THRB: variants seen among roughly 807,000 people sequenced by gnomAD.
THRB encodes nuclear receptor subfamily 1 group A member 2.
In THRB, 12 loss-of-function variants were observed where a neutral mutation model predicts 47.8. The ratio of observed to expected loss-of-function variants is 0.25; its 90% confidence interval spans 0.16 to 0.41. The LOEUF (loss-of-function observed/expected upper bound fraction) is 0.41, where lower values mean the gene tolerates loss of function less well. Ranked by LOEUF, THRB falls within the 10% of genes least tolerant of loss-of-function variation. The pLI is 1.00. For synonymous variants in THRB, 218 were observed against 212.2 expected (o/e 1.03, Z -0.24); for missense variants, 348 against 589.2 (o/e 0.59, Z 4.24).
At position 24,122,942 on chromosome 3, in the gene THRB, T is replaced by C. The variant is rs2031957696; in HGVS notation, c.1328A>G (p.Lys443Arg). 2.5e-6 allele frequency: 4 copies of C among 1,614,096 alleles called. No individual in the cohort carries two copies. Among genetic ancestry groups the C allele is most frequent in the Non-Finnish European group, 2.5e-6 (3 of 1,180,038 alleles). ...GAAGAGTTCTGTGGGGCATTCCACC[T>C]TCATGTGCAGGAAGCGGCTGGCATG... ...ACHASRFLHM[K>R]VECPTELFPP... Residue 443 changes from lysine to arginine, a missense_variant, in exon 11 of 11, where the codon AAG becomes AGG. Physicochemically the swap from Lys to Arg is conservative, Grantham distance 26 (BLOSUM62 2). This residue lies in a region of THRB where 7 missense variants were observed against 46.8 expected (regional missense o/e 0.15). Transcript: ENST00000646209.
chr3:24,365,375 A>C (rs2064386087), intron 1 of THRB, among the ~76,000 whole-genome samples: 1 of 152,184 alleles, frequency 6.6e-6, no homozygotes, highest in South Asian at 2.1e-4. Context: ...ATCTCCAGCC[A>C]ACTTCGTGTC....
chr3:24,355,132 A>G (rs1380296212), intron 1 of THRB, among the ~76,000 whole-genome samples: 2 of 152,168 alleles, frequency 1.3e-5, no homozygotes, highest in Non-Finnish European at 2.9e-5. Context: ...TAATGGAGTA[A>G]AGTGGCATCA....
chr3:24,320,083 C>T (rs989489191), intron 2 of THRB, among the ~76,000 whole-genome samples: 7 of 152,146 alleles, frequency 4.6e-5, no homozygotes, highest in African/African-American at 1.2e-4. Context: ...GTCATTGCTT[C>T]GGGTGCCACT....
chr3:24,281,419 G>A (rs144270160), intron 3 of THRB, among the ~76,000 whole-genome samples: 25 of 151,882 alleles, frequency 1.6e-4, no homozygotes, highest in African/African-American at 5.3e-4. Context: ...GCCTGCCCTA[G>A]AAGAGCTCCT....
chr3:24,139,038 AC>A (rs1289592431), intron 8 of THRB, among the ~76,000 whole-genome samples: 2 of 152,168 alleles, frequency 1.3e-5, no homozygotes, highest in Admixed American at 1.3e-4. Context: ...TGGTGGAGTG[AC>A]CTGCTTTCCC....
At chr3:24,147,217 TAA>T (rs2036213814) in intron 6 of THRB, among the ~76,000 whole-genome samples, 1 of 152,120 alleles carries the variant, frequency 6.6e-6, no homozygotes. Context: ...TACTGAGTAA[TAA>T]GAGAGCTCCA....
chr3:24,312,110 C>T (rs571327016), intron 2 of THRB, among the ~76,000 whole-genome samples: 2 of 152,302 alleles, frequency 1.3e-5, no homozygotes, highest in South Asian at 2.1e-4. Flanking sequence ...CTTGCCCTTG[C>T]CTTCTGCCCT....
At chr3:24,232,818 T>C (rs1425171708) in intron 3 of THRB, among the ~76,000 whole-genome samples, 1 of 152,062 alleles carries the variant, frequency 6.6e-6, no homozygotes, top group Non-Finnish European at 1.5e-5. Flanking sequence ...ATTTAAGAGG[T>C]AGAAACAAGA....
chr3:24,435,113 G>T (rs2070808414), intron 1 of THRB, among the ~76,000 whole-genome samples: 1 of 152,168 alleles, frequency 6.6e-6, no homozygotes, highest in Non-Finnish European at 1.5e-5. Context: ...CCAAGTGGTT[G>T]TTGGAGAGAC....
At chr3:24,132,815 C>T (rs543926244) in intron 9 of THRB, among the ~76,000 whole-genome samples, 29 of 152,316 alleles carry the variant, frequency 1.9e-4, no homozygotes, top group Admixed American at 1.2e-3. Context: ...GATTAAGAAA[C>T]GACCACACAG....
chr3:24,124,920 T>G (rs2032443210), intron 10 of THRB, among the ~76,000 whole-genome samples: 1 of 152,178 alleles, frequency 6.6e-6, no homozygotes, highest in Non-Finnish European at 1.5e-5. Context: ...TCCACATCAC[T>G]GGGGAGGGTG....
intron 1 of THRB, among the ~76,000 whole-genome samples, chr3:24,474,958 T>C (rs984563470): frequency 3.3e-5 from 5 of 152,234 alleles, no homozygotes; most frequent in African/African-American, 1.2e-4. Flanking sequence ...ACTGCACTTT[T>C]TAATTGAAAG....
At chr3:24,197,055 T>C (rs2044037693) in intron 4 of THRB, among the ~76,000 whole-genome samples, 1 of 152,230 alleles carries the variant, frequency 6.6e-6, no homozygotes, top group Non-Finnish European at 1.5e-5. Context: ...TTAACACTCA[T>C]AGTGGCTAGC....
intron 2 of THRB, among the ~76,000 whole-genome samples, chr3:24,327,403 T>G (rs2061665782): frequency 6.6e-6 from 1 of 152,192 alleles, no homozygotes. Flanking sequence ...CATTCATCAG[T>G]AGACAATGGA....
chr3:24,138,005 G>A (rs549328005), intron 8 of THRB, among the ~76,000 whole-genome samples: 48 of 151,824 alleles, frequency 3.2e-4, no homozygotes, highest in Non-Finnish European at 5.0e-4. Context: ...CAAAAGGAGA[G>A]ATTCAGGTGT....
intron 1 of THRB, among the ~76,000 whole-genome samples, chr3:24,376,676 C>T (rs1295882388): frequency 6.6e-6 from 1 of 152,066 alleles, no homozygotes; most frequent in Non-Finnish European, 1.5e-5. Context: ...AAGGACTACT[C>T]TAATCCTAAA....
chr3:24,237,411 A>T (rs1421926402), intron 3 of THRB, among the ~76,000 whole-genome samples: 1 of 152,078 alleles, frequency 6.6e-6, no homozygotes. Flanking sequence ...TTCTTAGTAA[A>T]ATAATTCACT....
chr3:24,363,095 C>G (rs551319498), intron 1 of THRB, among the ~76,000 whole-genome samples: 1 of 152,134 alleles, frequency 6.6e-6, no homozygotes, highest in Admixed American at 6.5e-5. Flanking sequence ...TTTGGATGAT[C>G]ATTTGTAGAG....
At chr3:24,419,035 G>T (rs2069001055) in intron 1 of THRB, among the ~76,000 whole-genome samples, 1 of 151,872 alleles carries the variant, frequency 6.6e-6, no homozygotes, top group Non-Finnish European at 1.5e-5. Flanking sequence ...GGGCATTCTT[G>T]TCAGCTCAGC....
Sources: allele counts gnomAD v4.1 joint callset (sites outside exome capture counted in the v4.1 genomes callset), GRCh38; gene constraint gnomAD v4.1.1; regional missense constraint gnomAD v4.1.1; transcripts MANE v1.5; gene names NCBI Gene and HGNC (gene_info 2026-07-23, HGNC 2026-07-21).